CLDN14: variants seen among roughly 807,000 people sequenced by gnomAD.
CLDN14 encodes the protein claudin-14.
Under a neutral mutation model 2.1 loss-of-function variants are expected in CLDN14, and 2 were observed. The observed-to-expected ratio is 0.96, with a 90% CI of 0.39 to 3.01. The LOEUF (loss-of-function observed/expected upper bound fraction) is 3.01. CLDN14 is among the 30% of genes most tolerant of loss of function. The probability of loss-of-function intolerance (pLI) is 0.09; values close to 1 mark genes in which losing one functional copy is unlikely to be tolerated. For synonymous variants in CLDN14, 136 were observed against 154.4 expected (o/e 0.88, Z 0.88); for missense variants, 298 against 328.0 (o/e 0.91, Z 0.71).
intron 2 of CLDN14, among the ~76,000 whole-genome samples, chr21:36,503,218 T>G (rs907248722): frequency 6.6e-6 from 1 of 152,164 alleles, no homozygotes; most frequent in African/African-American, 2.4e-5. Context: ...CATTCCGGGC[T>G]AATTTTTGTA....
chr21:36,554,036 TG>T (rs1432908720), intron 1 of CLDN14, among the ~76,000 whole-genome samples: 1 of 152,122 alleles, frequency 6.6e-6, no homozygotes, highest in Non-Finnish European at 1.5e-5. Context: ...AGCCCGGGTC[TG>T]GGGGTAACAG....
chr21:36,539,608 T>A (rs529807104), intron 1 of CLDN14, among the ~76,000 whole-genome samples: 4 of 146,314 alleles, frequency 2.7e-5, no homozygotes, highest in African/African-American at 1.0e-4. Flanking sequence ...GTGGAGTGAA[T>A]GTATGTGGAG....
chr21:36,514,336 C>G (rs558542806), intron 1 of CLDN14, among the ~76,000 whole-genome samples: 3 of 152,256 alleles, frequency 2.0e-5, no homozygotes, highest in African/African-American at 7.2e-5. Context: ...AGTGGCCAGC[C>G]TTACAGAGCC....
At chr21:36,466,771 C>T (rs2086651434) in intron 1 of CLDN14, among the ~76,000 whole-genome samples, 1 of 152,180 alleles carries the variant, frequency 6.6e-6, no homozygotes, top group African/African-American at 2.4e-5. Flanking sequence ...ACTCAAAAGT[C>T]CAAGTCCAAA....
At chr21:36,516,718 C>T (rs1040689672) in intron 1 of CLDN14, among the ~76,000 whole-genome samples, 9 of 152,208 alleles carry the variant, frequency 5.9e-5, no homozygotes, top group African/African-American at 2.2e-4. Context: ...TAAATGAATG[C>T]TCCTTGAAGA....
chr21:36,544,436 C>T lies in CLDN14; in HGVS notation c.-220+31975G>A, dbSNP rs2835390. On this transcript the variant is annotated intron_variant, in intron 1 of 2. Coordinates refer to the CLDN14 transcript ENST00000342108. This position sits in a 1 kb window ranked among gnomAD's most constrained non-coding sequence, Gnocchi z 4.1. ...TCCTCCAAGACTAGAACAAAGTTCT[C>T]CCAGGCCTCAGACAGTCATCCCTGC... Among the ~76,000 whole-genome samples the T allele has an allele frequency of 0.49, 73,837 of 152,016 alleles. 20,084 individuals carry two copies. Among genetic ancestry groups the T allele is most frequent in the Non-Finnish European group, 0.61 (41,561 of 67,948 alleles).
rs1264227546 is a variant in CLDN14, at chr21:36,498,810, C to T, written c.-82+11553G>A. Among the ~76,000 whole-genome samples, 1 of 152,200 alleles carries T rather than the reference C, an allele frequency of 6.6e-6. No individual in the cohort carries two copies. Among genetic ancestry groups the T allele is most frequent in the Non-Finnish European group, 1.5e-5 (1 of 68,042 alleles). ...CTGGCTGCGTCTGCCTGGACACCAT[C>T]AGCCCTGCACGAAGGTGGCCGCTGA... On this transcript the variant is annotated intron_variant, in intron 2 of 2. Coordinates refer to the CLDN14 transcript ENST00000342108. The surrounding 1 kb of genome is among the most constrained non-coding windows in gnomAD (Gnocchi z 4.9).
chr21:36,522,638 C>A (rs115724774), intron 1 of CLDN14, among the ~76,000 whole-genome samples: 1 of 152,162 alleles, frequency 6.6e-6, no homozygotes, highest in Admixed American at 6.5e-5. Flanking sequence ...CGGAGAACAG[C>A]GCAAGAAGAT....
At chr21:36,486,758 C>T in intron 2 of CLDN14, 1 of 887,616 alleles carries the variant, frequency 1.1e-6, no homozygotes, top group Non-Finnish European at 1.9e-6. Flanking sequence ...TTTGGGCTTC[C>T]CACGAAGGCA....
chr21:36,467,247 C>A (rs1423811884), intron 1 of CLDN14, among the ~76,000 whole-genome samples: 1 of 152,184 alleles, frequency 6.6e-6, no homozygotes, highest in African/African-American at 2.4e-5. Flanking sequence ...AGGGTGCCCT[C>A]ATTTTGCTCA....
chr21:36,559,023 A>G (rs2146522505), intron 1 of CLDN14, among the ~76,000 whole-genome samples: 1 of 152,258 alleles, frequency 6.6e-6, no homozygotes, highest in African/African-American at 2.4e-5. Flanking sequence ...ACTGTGTTGA[A>G]TAGAAGTGGT....
intron 1 of CLDN14, among the ~76,000 whole-genome samples, chr21:36,540,510 A>G (rs2087479990): frequency 1.3e-5 from 2 of 152,154 alleles, no homozygotes; most frequent in Non-Finnish European, 2.9e-5. Context: ...GGTGCAGTTG[A>G]ATGGTGGCCT....
intron 2 of CLDN14, chr21:36,486,283 C>T (rs185304873): frequency 1.1e-4 from 88 of 775,436 alleles, no homozygotes; most frequent in Middle Eastern, 2.4e-4. Flanking sequence ...TCAGGAAGTC[C>T]GGTATGGCCA....
chr21:36,558,824 T>C (rs2087615341), intron 1 of CLDN14, among the ~76,000 whole-genome samples: 5 of 151,978 alleles, frequency 3.3e-5, no homozygotes. Flanking sequence ...TGCAAACAGA[T>C]AATTTTACTT....
intron 2 of CLDN14, among the ~76,000 whole-genome samples, chr21:36,490,385 ATT>A (rs71198817): frequency 1.3e-4 from 13 of 102,064 alleles, no homozygotes; most frequent in South Asian, 3.5e-4. Flanking sequence ...TTTTTTTTTA[ATT>A]TTTTTTTTTT....
intron 1 of CLDN14, among the ~76,000 whole-genome samples, chr21:36,469,989 C>A (rs2086690163): frequency 6.6e-6 from 1 of 151,930 alleles, no homozygotes; most frequent in Non-Finnish European, 1.5e-5. Flanking sequence ...TCATTAAAAA[C>A]TTGTCATCTG....
At chr21:36,501,332 C>CTTTTTTTTTT (rs58458004) in intron 2 of CLDN14, among the ~76,000 whole-genome samples, 553 of 48,418 alleles carry the variant, frequency 0.011, 150 homozygotes, top group African/African-American at 0.016. Context: ...CAATATCTCA[C>CTTTTTTTTTT]TTTTTTTTTT....
chr21:36,529,672 T>G (rs1375864268), intron 1 of CLDN14, among the ~76,000 whole-genome samples: 1 of 152,226 alleles, frequency 6.6e-6, no homozygotes, highest in Non-Finnish European at 1.5e-5. Context: ...GAAATTTTTC[T>G]GTAATAATTT....
At chr21:36,552,693 AC>A (rs1485920862) in intron 1 of CLDN14, among the ~76,000 whole-genome samples, 1 of 140,666 alleles carries the variant, frequency 7.1e-6, no homozygotes, top group Non-Finnish European at 1.6e-5. Context: ...CAAAAACAAA[AC>A]AAAACAAAAC....
Sources: gnomAD v4.1 joint callset for allele counts (sites outside exome capture counted in the v4.1 genomes callset) on GRCh38, gnomAD v4.1.1 for gene constraint, Gnocchi (gnomAD v3.1) non-coding constraint, MANE v1.5 for transcripts, NCBI Gene and HGNC (gene_info 2026-07-23, HGNC 2026-07-21) for gene names.